The following CPVL variants were observed in gnomAD, a reference collection of about 807,000 sequenced individuals.
CPVL encodes probable serine carboxypeptidase CPVL.
Under a neutral mutation model 63.7 loss-of-function variants are expected in CPVL, and 51 were observed. That is an observed-to-expected ratio of 0.80 (90% CI 0.64 to 1.01). CPVL has a LOEUF of 1.01. CPVL is among the 50% of genes least tolerant of loss of function. The pLI is 0.00. For missense variants in CPVL, 530 were observed against 573.1 expected, an observed-to-expected ratio of 0.92 and a Z score of 0.77; for synonymous variants, 195 against 206.0, an observed-to-expected ratio of 0.95 and a Z score of 0.46.
chr7:29,024,508 T>C (rs1276146786), intron 12 of CPVL, among the ~76,000 whole-genome samples: 4 of 152,168 alleles, frequency 2.6e-5, no homozygotes, highest in Admixed American at 2.0e-4. Flanking sequence ...AATCTCCAAA[T>C]GGATTCAATC....
At chr7:29,095,803 G>C (rs1363800648) in intron 4 of CPVL, among the ~76,000 whole-genome samples, 1 of 152,088 alleles carries the variant, frequency 6.6e-6, no homozygotes, top group Admixed American at 6.6e-5. Flanking sequence ...GCAAAGAGCT[G>C]TCCCAAATAG....
In CPVL at chr7:29,126,687, T is replaced by C. The variant is rs1790059569; in HGVS notation, c.-10-5616A>G. 3.3e-5 allele frequency: 5 copies of C among 152,226 alleles called. No homozygotes were observed. The South Asian group carries it at 1.0e-3, about 32-fold the overall frequency. 9.4% of individuals were successfully genotyped at this position (152,226 alleles called of 1,614,324 possible). On this transcript the variant is annotated intron_variant, in intron 1 of 12. Coordinates refer to ENST00000265394, the MANE Select transcript of CPVL (RefSeq NM_031311.5). ...GTTTCCACTTCCCCACTTTACACTA[T>C]CGATTACTCCAATCAAAGGATACAT...
chr7:28,997,330 C>T lies in CPVL; in HGVS notation c.1321-1448G>A, dbSNP rs148165888. Among the ~76,000 whole-genome samples, 530 of 152,308 alleles carry T rather than the reference C, an allele frequency of 3.5e-3. 3 individuals are homozygous for T. Among genetic ancestry groups the T allele is most frequent in the Non-Finnish European group, 5.3e-3 (361 of 68,028 alleles). ...ATCACGATCAGCAATTAAAGGTCAC[C>T]TTCACAAGGCCCTTCCTAAGAGGCT... On this transcript the variant is annotated intron_variant, in intron 12 of 12. Coordinates refer to ENST00000265394, the MANE Select transcript of CPVL (RefSeq NM_031311.5).
intron 12 of CPVL, chr7:29,009,187 T>TAAAAAAAAAAAAAA (rs3042205): frequency 1.9e-5 from 2 of 105,198 alleles, no homozygotes; most frequent in Non-Finnish European, 3.6e-5. Context: ...TTGATGGCAT[T>TAAAAAAAAAAAAAA]AAAAAAAAAA....
chr7:29,165,809 T>G (rs1397877199), intron 5 of CPVL, among the ~76,000 whole-genome samples: 1 of 152,238 alleles, frequency 6.6e-6, no homozygotes, highest in African/African-American at 2.4e-5. Flanking sequence ...ATATGGTGTT[T>G]CTTTTTAAGT....
rs1783450099 is a variant in CPVL, at chr7:29,194,890, G to A, written c.-448+187C>T. 8.5e-6 allele frequency: 12 copies of A among 1,412,708 alleles called. No homozygotes were observed. In the South Asian group the frequency reaches 1.8e-4, roughly 21 times the overall value. The allele number at this position is 1,412,708 out of a possible 1,614,324, so 87.5% of individuals were successfully genotyped here. On this transcript the variant is annotated intron_variant, in intron 1 of 16. Coordinates refer to the CPVL transcript ENST00000409850. ...CGAGCGGCCGGGCGAGGGCAGCGGCGGCGGCGTCCGCACCGGGGCTGAGCG... is the reference window on the plus strand; with the variant it reads ...CGAGCGGCCGGGCGAGGGCAGCGGCAGCGGCGTCCGCACCGGGGCTGAGCG...
At chr7:28,998,338 GC>G (rs1562714995) in intron 12 of CPVL, among the ~76,000 whole-genome samples, 1 of 152,218 alleles carries the variant, frequency 6.6e-6, no homozygotes, top group Non-Finnish European at 1.5e-5. Flanking sequence ...AGGTCATCCT[GC>G]CCCCAGAACC....
chr7:29,105,599 C>T (rs940195346), intron 3 of CPVL, among the ~76,000 whole-genome samples: 6 of 152,176 alleles, frequency 3.9e-5, no homozygotes, highest in African/African-American at 7.2e-5. Context: ...ATGGTACCTG[C>T]ATCAGTTAAG....
At chr7:29,123,722 CCT>C (rs1421212561) in intron 1 of CPVL, among the ~76,000 whole-genome samples, 1 of 126,832 alleles carries the variant, frequency 7.9e-6, no homozygotes, top group East Asian at 2.3e-4. Flanking sequence ...TTTTTTTTCC[CCT>C]GGGGACAGAA....
intron 11 of CPVL, among the ~76,000 whole-genome samples, chr7:29,043,114 C>T (rs555323501): frequency 5.3e-5 from 8 of 152,288 alleles, no homozygotes; most frequent in Non-Finnish European, 7.4e-5. Flanking sequence ...CTAATTCCCA[C>T]CTGTTGTTAT....
chr7:29,183,870 A>G (rs918301465), intron 4 of CPVL, among the ~76,000 whole-genome samples: 1 of 152,174 alleles, frequency 6.6e-6, no homozygotes, highest in Non-Finnish European at 1.5e-5. Flanking sequence ...AAAATGTTAG[A>G]AAAAACAATA....
intron 7 of CPVL, among the ~76,000 whole-genome samples, chr7:29,075,956 GT>G (rs1554335832): frequency 2.7e-5 from 3 of 110,304 alleles, no homozygotes; most frequent in East Asian, 5.0e-4. Flanking sequence ...TGTTGAGATA[GT>G]TTTTTTTTTT....
At chr7:29,009,332 T>C (rs1785549126) in intron 12 of CPVL, 1 of 152,122 alleles carries the variant, frequency 6.6e-6, no homozygotes, top group Non-Finnish European at 1.5e-5. Context: ...AAGTGTTTGC[T>C]GAGATCATGG....
At chr7:29,146,623 C>G (rs1289939288), upstream of CPVL, 6 of 1,550,526 alleles carry the variant, frequency 3.9e-6, no homozygotes, top group South Asian at 7.1e-5. Flanking sequence ...GTCGTCGTGT[C>G]CCAACCTCCT....
chr7:29,136,804 C>T (rs140031859), intron 1 of CPVL, among the ~76,000 whole-genome samples: 17 of 152,096 alleles, frequency 1.1e-4, no homozygotes, highest in African/African-American at 4.1e-4. Flanking sequence ...TCCTTACTTC[C>T]CTATTTTTCA....
At chr7:29,187,359 GT>G (rs1370037994) in intron 1 of CPVL, among the ~76,000 whole-genome samples, 4 of 152,096 alleles carry the variant, frequency 2.6e-5, no homozygotes, top group Non-Finnish European at 5.9e-5. Flanking sequence ...GTGTGTGTGT[GT>G]GTGTGACAAA....
intron 7 of CPVL, among the ~76,000 whole-genome samples, chr7:29,083,367 TG>T (rs2128592799): frequency 6.6e-6 from 1 of 152,324 alleles, no homozygotes; most frequent in South Asian, 2.1e-4. Flanking sequence ...CCCCCCATCC[TG>T]GTCCCTACCC....
In CPVL at chr7:29,195,117, G is replaced by A. The variant is rs113736649; in HGVS notation, c.-488C>T. The A allele has an allele frequency of 8.3e-4, 814 of 978,180 alleles. 5 individuals carry two copies. In the African/African-American group the frequency reaches 0.012, roughly 14 times the overall value. 60.6% of individuals were successfully genotyped at this position (978,180 alleles called of 1,614,324 possible). A position where few individuals can be genotyped will look rare whatever the true frequency, so the allele number is the denominator to read the frequency against. On this transcript the variant is annotated 5_prime_UTR_variant, in exon 1 of 17. Coordinates refer to the CPVL transcript ENST00000409850. ...CCGCTCTCTCGGAATGGGGGCAGGC[G>A]TCCGGGGTGATACTTGTTTGGTTCG...
intron 11 of CPVL, among the ~76,000 whole-genome samples, chr7:29,040,540 G>A (rs1021591796): frequency 1.3e-5 from 2 of 152,132 alleles, no homozygotes; most frequent in African/African-American, 2.4e-5. Context: ...AGGCCTGCTT[G>A]AAGAAGACTG....
Sources: allele counts gnomAD v4.1 joint callset (sites outside exome capture counted in the v4.1 genomes callset), GRCh38; gene constraint gnomAD v4.1.1; transcripts MANE v1.5; gene names NCBI Gene and HGNC (gene_info 2026-07-23, HGNC 2026-07-21).